Variants in NTNG2 observed in about 807,000 individuals in gnomAD.
NTNG2 encodes the protein netrin-G2.
In NTNG2, 15 loss-of-function variants were observed where a neutral mutation model predicts 47.6. The ratio of observed to expected loss-of-function variants is 0.32; its 90% CI spans 0.21 to 0.49. The LOEUF (loss-of-function observed/expected upper bound fraction) is 0.49, where lower values mean the gene tolerates loss of function less well. Among genes scored for constraint, NTNG2 ranks in the 20% least tolerant of loss-of-function variants. The pLI is 0.99. For missense variants in NTNG2, 578 were observed against 764.6 expected (o/e 0.76, Z 2.88); for synonymous variants, 307 against 324.6 (o/e 0.95, Z 0.58).
chr9:132,179,274 C>A (rs576958937), intron 2 of NTNG2, among the ~76,000 whole-genome samples: 78 of 152,336 alleles, frequency 5.1e-4, no homozygotes, highest in African/African-American at 1.8e-3. Flanking sequence ...GCCGGAGCTG[C>A]CTCTTCAGGG....
intron 3 of NTNG2, among the ~76,000 whole-genome samples, chr9:132,216,414 C>CTGTGTG (rs1177821281): frequency 3.6e-5 from 4 of 110,286 alleles, no homozygotes; most frequent in African/African-American, 2.0e-4. Context: ...CTCTCTCTCT[C>CTGTGTG]TGTGTGTGTG....
At chr9:132,174,990 G>A (rs1342907078) in intron 2 of NTNG2, among the ~76,000 whole-genome samples, 2 of 151,762 alleles carry the variant, frequency 1.3e-5, no homozygotes, top group African/African-American at 4.8e-5. Flanking sequence ...GACAGAAGAG[G>A]ACCCCATAGG....
intron 3 of NTNG2, among the ~76,000 whole-genome samples, chr9:132,216,831 G>T (rs1840028958): frequency 1.3e-5 from 2 of 152,192 alleles, no homozygotes; most frequent in African/African-American, 4.8e-5. Flanking sequence ...TCCAGGCAGA[G>T]GCTGGTGCCA....
intron 6 of NTNG2, among the ~76,000 whole-genome samples, chr9:132,240,196 G>C (rs1358184527): frequency 1.3e-5 from 2 of 152,222 alleles, no homozygotes; most frequent in South Asian, 2.1e-4. Context: ...TGGAGCTGTC[G>C]GTCTGAATTC....
chr9:132,217,845 GGGGAT>G (rs1325385506), intron 3 of NTNG2, among the ~76,000 whole-genome samples: 1 of 152,166 alleles, frequency 6.6e-6, no homozygotes, highest in Non-Finnish European at 1.5e-5. Flanking sequence ...GTGGGGCCCA[GGGGAT>G]GGGGTTACCA....
chr9:132,228,574 A>G (rs929960269), intron 4 of NTNG2, among the ~76,000 whole-genome samples: 32 of 130,626 alleles, frequency 2.4e-4, no homozygotes, highest in African/African-American at 8.7e-4. Context: ...TTTTTTTCTT[A>G]AAGATAAGTC....
chr9:132,217,134 T>G (rs1840046870), intron 3 of NTNG2, among the ~76,000 whole-genome samples: 1 of 152,240 alleles, frequency 6.6e-6, no homozygotes, highest in South Asian at 2.1e-4. Flanking sequence ...GAGCCTCGCA[T>G]TCTCACCTGT....
rs867407909 is a variant in NTNG2 at position 132,226,924 on chromosome 9, C to A, written c.933C>A (p.Thr311=). ...TGCAGTGCGAGTGCGAGCACAACACCACCGGCCCCGACTGCGGCAAGTGCA... is the reference window on the plus strand; with the variant it reads ...TGCAGTGCGAGTGCGAGCACAACACAACCGGCCCCGACTGCGGCAAGTGCA... ...GSLQCECEHN[T]TGPDCGKCKK... The change falls in exon 4 of 8, where the codon ACC becomes ACA. Residue 311 remains threonine, a synonymous_variant. Transcript: ENST00000393229. This position sits in a 1 kb window ranked among gnomAD's most constrained non-coding sequence, Gnocchi z 4.8. 3.1e-6 allele frequency: 5 copies of A among 1,612,998 alleles called. No homozygotes were observed. Among genetic ancestry groups the A allele is most frequent in the Middle Eastern group, 3.3e-4 (2 of 6,046 alleles).
chr9:132,226,800 G>C lies in NTNG2; in HGVS notation c.858-49G>C. Reference sequence around the variant, plus strand: ...GCTCCTTTCCCCAGAGGCCAGGCCAGGCTGCCCACAAGCTCTCTGACATCT... The same window carrying C: ...GCTCCTTTCCCCAGAGGCCAGGCCACGCTGCCCACAAGCTCTCTGACATCT... On this transcript the variant is annotated intron_variant, in intron 3 of 7. Transcript: ENST00000393229. This position sits in a 1 kb window ranked among gnomAD's most constrained non-coding sequence, Gnocchi z 4.8. 2 of 1,492,634 alleles carry C rather than the reference G, an allele frequency of 1.3e-6. No homozygotes were observed. Among genetic ancestry groups the C allele is most frequent in the Non-Finnish European group, 1.8e-6 (2 of 1,113,978 alleles). The allele number at this position is 1,492,634 out of a possible 1,614,324, so 92.5% of individuals were successfully genotyped here. A position where few individuals can be genotyped will look rare whatever the true frequency, so the allele number is the denominator to read the frequency against.
intron 3 of NTNG2, among the ~76,000 whole-genome samples, chr9:132,222,056 G>A (rs1227553931): frequency 3.9e-5 from 6 of 152,268 alleles, no homozygotes; most frequent in Middle Eastern, 3.4e-3. Context: ...CAGAAGTTGC[G>A]AATTAAAACC....
intron 4 of NTNG2, among the ~76,000 whole-genome samples, chr9:132,228,540 C>T (rs2130949734): frequency 6.8e-6 from 1 of 146,730 alleles, no homozygotes; most frequent in Admixed American, 7.0e-5. Context: ...TCTCAGTTCT[C>T]TCCACCATCA....
intron 2 of NTNG2, among the ~76,000 whole-genome samples, chr9:132,175,279 C>T (rs1369952228): frequency 6.6e-6 from 1 of 152,174 alleles, no homozygotes; most frequent in Non-Finnish European, 1.5e-5. Context: ...AGCTGGGGTT[C>T]AGCCTTCCTG....
intron 3 of NTNG2, among the ~76,000 whole-genome samples, chr9:132,211,519 T>C (rs769688617): frequency 2.2e-4 from 34 of 152,144 alleles, no homozygotes; most frequent in Non-Finnish European, 4.0e-4. Flanking sequence ...CCTCCTTCTG[T>C]AGCCTGGGCT....
intron 3 of NTNG2, among the ~76,000 whole-genome samples, chr9:132,216,410 C>CTG (rs1839981613): frequency 2.2e-5 from 2 of 92,818 alleles, no homozygotes; most frequent in Non-Finnish European, 4.0e-5. Context: ...CTCTCTCTCT[C>CTG]TCTCTGTGTG....
rs2130807701 is a variant in NTNG2, at chr9:132,208,476, C to T, written c.857+9867C>T. Among the ~76,000 whole-genome samples the T allele has an allele frequency of 6.6e-6, 1 of 152,226 alleles. No individual in the cohort carries two copies. Among genetic ancestry groups the T allele is most frequent in the Middle Eastern group, 3.4e-3 (1 of 294 alleles). On this transcript the variant is annotated intron_variant, in intron 3 of 7. Coordinates refer to ENST00000393229, the MANE Select transcript of NTNG2 (RefSeq NM_032536.4). The surrounding 1 kb of genome is among the most constrained non-coding windows in gnomAD (Gnocchi z 4.0). ...TGGGGGTGGCGGTGCTGGAGGCCTG[C>T]AGGAGACTGGGCGGGCCCTACCAAG... is the stretch of plus-strand genomic sequence containing the variant.
chr9:132,235,880 G>A (rs1485831594), intron 5 of NTNG2, among the ~76,000 whole-genome samples: 1 of 146,856 alleles, frequency 6.8e-6, no homozygotes, highest in African/African-American at 2.5e-5. Flanking sequence ...GGTGTAGAAT[G>A]TCGGTGCCTG....
chr9:132,188,495 G>A (rs749591095), intron 2 of NTNG2, among the ~76,000 whole-genome samples: 11 of 152,206 alleles, frequency 7.2e-5, no homozygotes, highest in East Asian at 1.9e-4. Context: ...CTGCCGAGCC[G>A]CATGACCCTG....
At chr9:132,178,631 G>C (rs1306095584) in intron 2 of NTNG2, among the ~76,000 whole-genome samples, 1 of 151,942 alleles carries the variant, frequency 6.6e-6, no homozygotes, top group African/African-American at 2.4e-5. Context: ...CTGGGCTCCT[G>C]TGAAGACAAT....
Position 132,226,258 on chromosome 9 carries a change from G to A in NTNG2, c.858-591G>A, listed in dbSNP as rs927650255. 8.5e-5 allele frequency among the ~76,000 whole-genome samples: 13 copies of A among 152,246 alleles called. No homozygotes were observed. The South Asian group carries it at 1.7e-3, about 19-fold the overall frequency. Reference sequence around the variant, plus strand: ...TTACCAGTTTTCAGAATAATGAGTCGCCTATAAATATTTGAATGAATGGAT... The same window carrying A: ...TTACCAGTTTTCAGAATAATGAGTCACCTATAAATATTTGAATGAATGGAT... On this transcript the variant is annotated intron_variant, in intron 3 of 7. Coordinates refer to ENST00000393229, the MANE Select transcript of NTNG2 (RefSeq NM_032536.4). This position sits in a 1 kb window ranked among gnomAD's most constrained non-coding sequence, Gnocchi z 4.8.
Sources: gnomAD v4.1 joint callset for allele counts (sites outside exome capture counted in the v4.1 genomes callset) on GRCh38, gnomAD v4.1.1 for gene constraint, Gnocchi (gnomAD v3.1) non-coding constraint, MANE v1.5 for transcripts, NCBI Gene and HGNC (gene_info 2026-07-23, HGNC 2026-07-21) for gene names.